NRG3: variants seen among roughly 807,000 people sequenced by gnomAD.
NRG3 encodes the protein neuregulin 3, also known as pro-neuregulin-3, membrane-bound isoform.
NRG3 carries 31 observed loss-of-function variants against 66.9 expected under a neutral mutation model. The ratio of observed to expected loss-of-function variants is 0.46; its 90% confidence interval spans 0.35 to 0.63. The LOEUF (loss-of-function observed/expected upper bound fraction) is 0.63, where lower values mean the gene tolerates loss of function less well. NRG3 is among the 20% of genes least tolerant of loss of function. NRG3 has a pLI of 0.00. For synonymous variants in NRG3, 393 were observed against 359.4 expected, an observed-to-expected ratio of 1.09 and a Z score of -1.06; for missense variants, 910 against 878.9, an observed-to-expected ratio of 1.04 and a Z score of -0.45.
chr10:82,624,758 A>G (rs1444888986), intron 2 of NRG3, among the ~76,000 whole-genome samples: 1 of 148,082 alleles, frequency 6.8e-6, no homozygotes, highest in Non-Finnish European at 1.5e-5. Flanking sequence ...TTAATTTTAC[A>G]ATGAACCCAA....
At chr10:82,533,476 A>C (rs988027647) in intron 2 of NRG3, among the ~76,000 whole-genome samples, 1 of 151,846 alleles carries the variant, frequency 6.6e-6, no homozygotes, top group Admixed American at 6.6e-5. Flanking sequence ...ATATGGTATA[A>C]GATAAAGGTC....
intron 1 of NRG3, among the ~76,000 whole-genome samples, chr10:82,128,354 A>G (rs2068590364): frequency 6.6e-6 from 1 of 151,996 alleles, no homozygotes; most frequent in South Asian, 2.1e-4. Flanking sequence ...AAATGTTTTT[A>G]AAAACTCAAA....
intron 3 of NRG3, among the ~76,000 whole-genome samples, chr10:82,804,691 T>C (rs2061203304): frequency 6.6e-6 from 1 of 152,212 alleles, no homozygotes; most frequent in Non-Finnish European, 1.5e-5. Flanking sequence ...AAAGCCTTAA[T>C]AAGTGCCAGT....
At chr10:82,907,209 A>T (rs975370463) in intron 4 of NRG3, among the ~76,000 whole-genome samples, 3 of 152,174 alleles carry the variant, frequency 2.0e-5, no homozygotes, top group Non-Finnish European at 4.4e-5. Flanking sequence ...ACTGAGTTTT[A>T]GTTCACTGGG....
intron 2 of NRG3, among the ~76,000 whole-genome samples, chr10:82,392,305 G>A (rs992926862): frequency 1.3e-5 from 2 of 152,096 alleles, no homozygotes; most frequent in African/African-American, 4.8e-5. Context: ...AGGGTATGCT[G>A]TCCTCTACAA....
chr10:82,899,310 A>G (rs1273432567), intron 4 of NRG3, among the ~76,000 whole-genome samples: 1 of 152,198 alleles, frequency 6.6e-6, no homozygotes, highest in Non-Finnish European at 1.5e-5. Flanking sequence ...TAAAGAACCT[A>G]GAGTCCAAAG....
intron 2 of NRG3, among the ~76,000 whole-genome samples, chr10:82,480,021 G>A (rs1445156135): frequency 1.3e-5 from 2 of 152,138 alleles, no homozygotes; most frequent in Admixed American, 1.3e-4. Context: ...TTTAAAAAAC[G>A]TGTTCTGTCC....
intron 2 of NRG3, among the ~76,000 whole-genome samples, chr10:82,688,422 A>G (rs899354262): frequency 6.6e-6 from 1 of 152,154 alleles, no homozygotes. Context: ...AATCCCAGGA[A>G]TTGGTGGTAT....
intron 1 of NRG3, among the ~76,000 whole-genome samples, chr10:82,290,990 A>G (rs7908242): frequency 0.32 from 47,880 of 151,786 alleles, 7,747 homozygotes; most frequent in African/African-American, 0.36. Flanking sequence ...ACACACACAC[A>G]TACACATTAT....
intron 5 of NRG3, among the ~76,000 whole-genome samples, chr10:82,952,963 A>G (rs1849681612): frequency 1.3e-5 from 2 of 152,032 alleles, no homozygotes; most frequent in Admixed American, 1.3e-4. Flanking sequence ...AAGTTCCTCC[A>G]TTATTAATGC....
At chr10:82,658,258 T>G (rs1302103653) in intron 2 of NRG3, among the ~76,000 whole-genome samples, 1 of 152,132 alleles carries the variant, frequency 6.6e-6, no homozygotes, top group African/African-American at 2.4e-5. Context: ...ATTTGAAAAT[T>G]AATCATTGTA....
intron 1 of NRG3, among the ~76,000 whole-genome samples, chr10:82,200,822 T>C (rs1019792233): frequency 6.6e-6 from 1 of 152,100 alleles, no homozygotes; most frequent in African/African-American, 2.4e-5. Context: ...GCTTGCAATG[T>C]CATGTCCTAT....
intron 2 of NRG3, among the ~76,000 whole-genome samples, chr10:82,453,874 G>A (rs2091148180): frequency 6.6e-6 from 1 of 152,044 alleles, no homozygotes; most frequent in East Asian, 1.9e-4. Flanking sequence ...GGTCCACTGT[G>A]GGGATTTAGC....
At chr10:82,707,021 AT>A (rs201145402) in intron 2 of NRG3, among the ~76,000 whole-genome samples, 2,324 of 38,718 alleles carry the variant, frequency 0.06, 33 homozygotes, top group African/African-American at 0.078. Flanking sequence ...TAAAATAAAT[AT>A]ATATATATAT....
chr10:82,045,961 G>C (rs189116325), intron 1 of NRG3, among the ~76,000 whole-genome samples: 9,060 of 151,166 alleles, frequency 0.06, 349 homozygotes, highest in East Asian at 0.16. Context: ...TGCTGTTTTG[G>C]TTACTGTAGT....
chr10:82,090,611 C>T (rs992741921), intron 1 of NRG3, among the ~76,000 whole-genome samples: 2 of 152,060 alleles, frequency 1.3e-5, no homozygotes, highest in African/African-American at 4.8e-5. Flanking sequence ...CATGATGCTG[C>T]CATATTTGAA....
chr10:81,963,151 T>TTTTTTTTTTTTG (rs745834169), intron 1 of NRG3, among the ~76,000 whole-genome samples: 1 of 135,452 alleles, frequency 7.4e-6, no homozygotes, highest in African/African-American at 2.8e-5. Context: ...TTTTTTTTTT[T>TTTTTTTTTTTTG]GAGACGGAGT....
chr10:82,506,928 G>A lies in NRG3; in HGVS notation c.953+148060G>A, dbSNP rs564148979. On this transcript the variant is annotated intron_variant, in intron 2 of 8. Transcript: ENST00000372141. ...GGGTTTTCACACAGCATCTCAGGTG[G>A]TTCTGTCTCCTGACCAATTTCACTG... Among the ~76,000 whole-genome samples, 177 of 152,254 alleles carry A rather than the reference G, an allele frequency of 1.2e-3. 1 individual carries two copies. The highest frequency in any genetic ancestry group is 4.0e-3 in the African/African-American group (165 of 41,534).
At chr10:81,929,429 C>T (rs1847127725) in intron 1 of NRG3, among the ~76,000 whole-genome samples, 2 of 152,174 alleles carry the variant, frequency 1.3e-5, no homozygotes, top group Non-Finnish European at 2.9e-5. Context: ...TTGTAGCTTC[C>T]ATACCATGCT....
Sources: allele counts gnomAD v4.1 joint callset (sites outside exome capture counted in the v4.1 genomes callset), GRCh38; gene constraint gnomAD v4.1.1; transcripts MANE v1.5; gene names NCBI Gene and HGNC (gene_info 2026-07-23, HGNC 2026-07-21).